The following CUBN variants were observed in gnomAD, a reference collection of about 807,000 sequenced individuals.
The protein encoded by CUBN is 460 kDa receptor.
In CUBN, 282 loss-of-function variants were observed where a neutral mutation model predicts 405.3. That is an observed-to-expected ratio of 0.70 (90% CI 0.63 to 0.77). The LOEUF is 0.77. Among genes scored for constraint, CUBN ranks in the 30% least tolerant of loss-of-function variants. The pLI, the probability that CUBN is intolerant of heterozygous loss-of-function variation, is 0.00. For missense variants in CUBN, 4,514 were observed against 4,475.2 expected (o/e 1.01, Z -0.25); for synonymous variants, 1,684 against 1,617.0 (o/e 1.04, Z -0.99).
chr10:17,115,553 T>C lies in CUBN; in HGVS notation c.638A>G (p.Lys213Arg), dbSNP rs1324329359. Reference sequence around the variant, plus strand: ...AGAACCCCCTTCACAGTCGTCATATTTGGATGCACACTGGGGTCCGTACGT... The same window carrying C: ...AGAACCCCCTTCACAGTCGTCATATCTGGATGCACACTGGGGTCCGTACGT... Reference protein sequence around the residue: ...PETYGPQCASKYDDCEGGSVA... With the variant: ...PETYGPQCASRYDDCEGGSVA... Residue 213 changes from lysine (K) to arginine (R), a missense_variant, in exon 7 of 67, where the codon AAA becomes AGA. By Grantham distance (26) the Lys-to-Arg change is conservative. Coordinates refer to ENST00000377833, the MANE Select transcript of CUBN (RefSeq NM_001081.4). The C allele has an allele frequency of 1.9e-6, 3 of 1,614,140 alleles. No individual in the cohort carries two copies. The South Asian group carries it at 3.3e-5, about 18-fold the overall frequency.
intron 59 of CUBN, among the ~76,000 whole-genome samples, chr10:16,867,616 T>C (rs1349904665): frequency 6.6e-6 from 1 of 152,206 alleles, no homozygotes; most frequent in Non-Finnish European, 1.5e-5. Flanking sequence ...GTAAAAATCA[T>C]CTTCATGAAA....
At chr10:16,904,687 T>C (rs879192367) in intron 50 of CUBN, among the ~76,000 whole-genome samples, 4 of 152,250 alleles carry the variant, frequency 2.6e-5, no homozygotes, top group Admixed American at 2.6e-4. Flanking sequence ...GCTTTCTTTT[T>C]ATTCTGTCAG....
intron 51 of CUBN, among the ~76,000 whole-genome samples, chr10:16,903,046 A>G (rs1277349813): frequency 6.6e-6 from 1 of 152,250 alleles, no homozygotes; most frequent in Non-Finnish European, 1.5e-5. Context: ...AATCCAACAC[A>G]AAACACTAGC....
At chr10:16,920,807 G>A (rs1037923782) in intron 43 of CUBN, among the ~76,000 whole-genome samples, 13 of 152,092 alleles carry the variant, frequency 8.5e-5, no homozygotes, top group Non-Finnish European at 1.6e-4. Context: ...TACTTACAAT[G>A]CCAATGAAAT....
At chr10:16,825,777 A>G (rs1294091871) in intron 66 of CUBN, among the ~76,000 whole-genome samples, 1 of 152,036 alleles carries the variant, frequency 6.6e-6, no homozygotes. Context: ...ACATTAAAAA[A>G]TGAGCAAAAC....
chr10:17,066,599 G>A (rs772326134), intron 21 of CUBN, among the ~76,000 whole-genome samples: 5 of 151,924 alleles, frequency 3.3e-5, no homozygotes, highest in African/African-American at 7.3e-5. Context: ...AAATGCCTTC[G>A]TATATGCCCA....
intron 31 of CUBN, among the ~76,000 whole-genome samples, chr10:16,955,909 C>T (rs11254298): frequency 0.057 from 8,729 of 152,154 alleles, 365 homozygotes; most frequent in Non-Finnish European, 0.088. Flanking sequence ...CTGAGCAGGA[C>T]GCATGCATCA....
Position 17,071,954 on chromosome 10 carries a change from G to A in CUBN, c.2319C>T (p.Thr773=), listed in dbSNP as rs1364036755. The A allele has an allele frequency of 6.2e-7, 1 of 1,612,534 alleles. No individual in the cohort carries two copies. Among genetic ancestry groups the A allele is most frequent in the Non-Finnish European group, 8.5e-7 (1 of 1,179,458 alleles). Residue 773 remains threonine (T), a synonymous_variant, in exon 18 of 67, where the codon ACC becomes ACT. Transcript: ENST00000377833. ...QNYIEVRDGE[T]LLGKVCGNGT... is the part of the protein sequence containing the mutation. ...CGTTGCCACAGACTTTTCCAAGTAA[G>A]GTTTCACCATCTCGAACCTAAAGAG...
At chr10:17,020,149 A>T (rs35013380) in intron 27 of CUBN, among the ~76,000 whole-genome samples, 166 bp from the exon 28 acceptor site, 1 of 152,018 alleles carries the variant, frequency 6.6e-6, no homozygotes, top group Admixed American at 6.5e-5. Context: ...AAAAATTGAT[A>T]ATTGCATAGA....
At chr10:16,901,275 T>C (rs1841355760) in intron 52 of CUBN, 63 bp downstream of exon 52, 3 of 1,611,066 alleles carry the variant, frequency 1.9e-6, no homozygotes, top group East Asian at 4.5e-5. Context: ...TCCATTTTCA[T>C]GCAGGACAGG....
At chr10:17,087,010 G>C (rs560677918) in intron 15 of CUBN, among the ~76,000 whole-genome samples, 2 of 152,200 alleles carry the variant, frequency 1.3e-5, no homozygotes, top group Non-Finnish European at 2.9e-5. Flanking sequence ...ATTTTCCAGA[G>C]AGAGACAGAT....
intron 6 of CUBN, among the ~76,000 whole-genome samples, chr10:17,118,399 G>C (rs1836953984): frequency 6.6e-6 from 1 of 152,164 alleles, no homozygotes; most frequent in Admixed American, 6.5e-5. Context: ...CTGATAAGTA[G>C]AGTTATATGA....
intron 56 of CUBN, among the ~76,000 whole-genome samples, chr10:16,887,936 A>G (rs1840869652): frequency 6.6e-6 from 1 of 152,236 alleles, no homozygotes; most frequent in South Asian, 2.1e-4. Flanking sequence ...AACATGGATG[A>G]ACCTGGAGGA....
chr10:17,054,223 T>G (rs1564496541), intron 22 of CUBN, among the ~76,000 whole-genome samples: 3 of 149,444 alleles, frequency 2.0e-5, no homozygotes. Context: ...CCCAGCTACT[T>G]GGGAGGCTGA....
chr10:16,936,591 C>T (rs1339379238), intron 39 of CUBN, among the ~76,000 whole-genome samples: 1 of 152,108 alleles, frequency 6.6e-6, no homozygotes, highest in Non-Finnish European at 1.5e-5. Context: ...AATGAGATAC[C>T]GTGATTCTGT....
chr10:17,023,933 C>T (rs1834579123), intron 27 of CUBN, among the ~76,000 whole-genome samples: 2 of 152,110 alleles, frequency 1.3e-5, no homozygotes, highest in Admixed American at 1.3e-4. Flanking sequence ...TTGTTATTCT[C>T]TTAAAGAGAT....
In CUBN at chr10:16,953,914, A is replaced by AGAGGGGAC. The variant is rs1554799570; in HGVS notation, c.4855+474_4855+475insGTCCCCTC. Among the ~76,000 whole-genome samples the AGAGGGGAC allele has an allele frequency of 4.1e-5, 6 of 146,980 alleles. 1 individual carries two copies. The highest frequency in any genetic ancestry group is 1.5e-4 in the African/African-American group (6 of 39,424). On this transcript the variant is annotated intron_variant, in intron 32 of 66. Coordinates refer to ENST00000377833, the MANE Select transcript of CUBN (RefSeq NM_001081.4). ...GAAGGGGAGGAGAGGAAGGGGAAGA[A>AGAGGGGAC]GAGGGGAGGAAGGGAGGGAACAAAG...
At chr10:17,115,438 C>G (rs1383755760) in intron 7 of CUBN, 33 bp downstream of exon 7, 2 of 1,612,846 alleles carry the variant, frequency 1.2e-6, no homozygotes, top group Admixed American at 1.7e-5. Flanking sequence ...CCATGGCTCT[C>G]TGCAAGGAGG....
At chr10:16,889,542 A>G (rs1840929066) in intron 55 of CUBN, among the ~76,000 whole-genome samples, 1 of 152,188 alleles carries the variant, frequency 6.6e-6, no homozygotes, top group Non-Finnish European at 1.5e-5. Context: ...AAAATTAGGA[A>G]AGAACATTCC....
Sources: gnomAD v4.1 joint callset for allele counts (sites outside exome capture counted in the v4.1 genomes callset) on GRCh38, gnomAD v4.1.1 for gene constraint, MANE v1.5 for transcripts, NCBI Gene and HGNC (gene_info 2026-07-23, HGNC 2026-07-21) for gene names.